The following NEGR1 variants were observed in gnomAD, a reference collection of about 807,000 sequenced individuals.
NEGR1 encodes the protein neuronal growth regulator 1.
NEGR1 carries 10 observed loss-of-function variants against 40.9 expected under a neutral mutation model. The ratio of observed to expected loss-of-function variants is 0.24; its 90% CI spans 0.15 to 0.42. The LOEUF is 0.42. NEGR1 is among the 10% of genes least tolerant of loss of function. The pLI is 1.00. For synonymous variants in NEGR1, 185 were observed against 166.8 expected (o/e 1.11, Z -0.84); for missense variants, 352 against 438.9 (o/e 0.80, Z 1.77).
intron 6 of NEGR1, among the ~76,000 whole-genome samples, chr1:71,515,623 C>A: frequency 2.3e-5 from 2 of 85,868 alleles, no homozygotes; most frequent in East Asian, 3.4e-4. Context: ...CAAAATCATG[C>A]CAAAATGTAA....
intron 3 of NEGR1, among the ~76,000 whole-genome samples, chr1:71,731,800 GAT>G (rs1158908637): frequency 1.3e-5 from 2 of 152,144 alleles, no homozygotes; most frequent in African/African-American, 4.8e-5. Flanking sequence ...ACACAGCACT[GAT>G]ATAAAACTGT....
chr1:71,627,680 A>G (rs1650831979), intron 4 of NEGR1, among the ~76,000 whole-genome samples: 1 of 152,042 alleles, frequency 6.6e-6, no homozygotes, highest in Admixed American at 6.6e-5. Context: ...TACATTTGGA[A>G]GCGAAGGAGA....
In NEGR1 at chr1:72,196,697, G is replaced by A. The variant is rs1653012053; in HGVS notation, c.176+85622C>T. The stretch of plus-strand genomic sequence containing the variant: ...GATGATCACTTGAACCGGGGTGGCT[G>A]AGATTGTAGTGAGCCAAGATCATGC... On this transcript the variant is annotated intron_variant, in intron 1 of 6. Transcript: ENST00000357731. Among the ~76,000 whole-genome samples the A allele has an allele frequency of 3.3e-5, 5 of 151,112 alleles. No homozygotes were observed. In the Admixed American group the frequency reaches 3.3e-4, roughly 10 times the overall value.
chr1:72,011,966 C>T (rs970557690), intron 1 of NEGR1, among the ~76,000 whole-genome samples: 13 of 152,082 alleles, frequency 8.5e-5, no homozygotes, highest in African/African-American at 3.1e-4. Flanking sequence ...TGTGAAGAGT[C>T]TTACGTTTTG....
intron 3 of NEGR1, among the ~76,000 whole-genome samples, chr1:71,700,936 C>T (rs534912405): frequency 2.0e-5 from 3 of 152,016 alleles, no homozygotes; most frequent in South Asian, 2.1e-4. Context: ...CTCTACTAAA[C>T]ATTGTTGATT....
At chr1:72,082,290 C>T (rs1648034160) in intron 1 of NEGR1, among the ~76,000 whole-genome samples, 1 of 152,002 alleles carries the variant, frequency 6.6e-6, no homozygotes, top group African/African-American at 2.4e-5. Flanking sequence ...ATTATGCACA[C>T]AATTCAGTAA....
intron 6 of NEGR1, among the ~76,000 whole-genome samples, chr1:71,559,623 G>A (rs1648375327): frequency 6.6e-6 from 1 of 151,446 alleles, no homozygotes; most frequent in African/African-American, 2.4e-5. Flanking sequence ...TTCCCAGAAA[G>A]GTCCTTTAAA....
At position 72,073,747 on chromosome 1, in the gene NEGR1, A is replaced by AAAG. The variant is rs536388379; in HGVS notation, c.177-138439_177-138437dup. ...CAAGATTACTTAAGCTACAGCTTGG[A>AAAG]AAGAGATATCCTTAAGATTCATTAG... On this transcript the variant is annotated intron_variant, in intron 1 of 6. Coordinates refer to ENST00000357731, the MANE Select transcript of NEGR1 (RefSeq NM_173808.3). Among the ~76,000 whole-genome samples, 827 of 152,168 alleles carry AAAG rather than the reference A, an allele frequency of 5.4e-3. 7 individuals are homozygous for AAAG. The highest frequency in any genetic ancestry group is 8.6e-3 in the Non-Finnish European group (583 of 67,986).
At chr1:71,867,712 T>C (rs1660159234) in intron 2 of NEGR1, among the ~76,000 whole-genome samples, 1 of 152,096 alleles carries the variant, frequency 6.6e-6, no homozygotes. Flanking sequence ...AAATATTGTA[T>C]CATGTTTATT....
At chr1:71,482,643 A>G (rs550480571) in intron 6 of NEGR1, among the ~76,000 whole-genome samples, 4 of 151,882 alleles carry the variant, frequency 2.6e-5, no homozygotes, top group Non-Finnish European at 5.9e-5. Context: ...ATGTTTTGAT[A>G]TTTATTACTT....
rs79448199 is a variant in NEGR1, at chr1:71,838,748, A to G, written c.410-62451T>C. On this transcript the variant is annotated intron_variant, in intron 2 of 6. Coordinates refer to ENST00000357731, the MANE Select transcript of NEGR1 (RefSeq NM_173808.3). ...CAGATGAGAGAGTATATCAAGCAATAAGACATCACATAATAGTACAAAAAG... is the reference window on the plus strand; with the variant it reads ...CAGATGAGAGAGTATATCAAGCAATGAGACATCACATAATAGTACAAAAAG... Among the ~76,000 whole-genome samples the G allele has an allele frequency of 5.3e-4, 81 of 152,258 alleles. No individual in the cohort carries two copies. The East Asian group carries it at 0.013, about 25-fold the overall frequency.
intron 6 of NEGR1, among the ~76,000 whole-genome samples, chr1:71,571,445 A>G (rs1326242936): frequency 6.6e-6 from 1 of 152,206 alleles, no homozygotes; most frequent in Non-Finnish European, 1.5e-5. Flanking sequence ...AAGTCAAACA[A>G]AGTAATTGGC....
chr1:72,201,888 A>G (rs1486522306), intron 1 of NEGR1, among the ~76,000 whole-genome samples: 1 of 151,970 alleles, frequency 6.6e-6, no homozygotes, highest in Non-Finnish European at 1.5e-5. Flanking sequence ...ATATTTATAC[A>G]AGCACACAGA....
At position 72,220,256 on chromosome 1, in the gene NEGR1, C is replaced by A. The variant is rs555994285; in HGVS notation, c.176+62063G>T. ...CTACCCAGCTGAATTAAATAAAATT[C>A]TCTCTCTCTCTCTCCCCCTTTTTAT... On this transcript the variant is annotated intron_variant, in intron 1 of 6. Coordinates refer to ENST00000357731, the MANE Select transcript of NEGR1 (RefSeq NM_173808.3). Among the ~76,000 whole-genome samples the A allele has an allele frequency of 7.3e-5, 11 of 151,154 alleles. No homozygotes were observed. In the East Asian group the frequency reaches 1.4e-3, roughly 19 times the overall value.
chr1:71,680,732 C>T (rs560345719), intron 4 of NEGR1, among the ~76,000 whole-genome samples: 2 of 152,302 alleles, frequency 1.3e-5, no homozygotes, highest in African/African-American at 4.8e-5. Context: ...AACACTTCAG[C>T]TCTAGCCTGC....
intron 4 of NEGR1, among the ~76,000 whole-genome samples, chr1:71,675,126 T>TATATATATATACATAC (rs145354058): frequency 1.3e-5 from 1 of 77,794 alleles, no homozygotes; most frequent in Admixed American, 1.6e-4. Context: ...TATATATATA[T>TATATATATATACATAC]ACACACACAC....
At chr1:71,733,441 G>T (rs551700263) in intron 3 of NEGR1, among the ~76,000 whole-genome samples, 1 of 152,244 alleles carries the variant, frequency 6.6e-6, no homozygotes, top group East Asian at 1.9e-4. Flanking sequence ...AGTCTGTATT[G>T]TAACTGAAGT....
chr1:71,547,961 T>C (rs758557633), intron 6 of NEGR1, among the ~76,000 whole-genome samples: 27 of 151,828 alleles, frequency 1.8e-4, no homozygotes, highest in Admixed American at 5.3e-4. Flanking sequence ...AGGCTACTGT[T>C]GTGGGCAGCT....
chr1:71,785,853 G>A (rs1371074476), intron 2 of NEGR1, among the ~76,000 whole-genome samples: 1 of 152,134 alleles, frequency 6.6e-6, no homozygotes, highest in African/African-American at 2.4e-5. Context: ...CCTGGCTCCT[G>A]GTTTTATAAG....
Sources: allele counts gnomAD v4.1 joint callset (sites outside exome capture counted in the v4.1 genomes callset), GRCh38; gene constraint gnomAD v4.1.1; transcripts MANE v1.5; gene names NCBI Gene and HGNC (gene_info 2026-07-23, HGNC 2026-07-21).